Variants in GOLGB1 observed in about 807,000 individuals in gnomAD.
The protein encoded by GOLGB1 is golgin subfamily B member 1.
A neutral mutation model predicts 336.9 loss-of-function variants in GOLGB1; 174 were observed. That is an observed-to-expected ratio of 0.52 (90% CI 0.46 to 0.59). The LOEUF (loss-of-function observed/expected upper bound fraction) is 0.59, where lower values mean the gene tolerates loss of function less well. Among genes scored for constraint, GOLGB1 ranks in the 20% least tolerant of loss-of-function variants. The probability of loss-of-function intolerance (pLI) is 0.00; values close to 1 mark genes in which losing one functional copy is unlikely to be tolerated. For missense variants in GOLGB1, 3,331 were observed against 3,645.3 expected, an observed-to-expected ratio of 0.91 and a Z score of 2.22; for synonymous variants, 1,208 against 1,289.2, an observed-to-expected ratio of 0.94 and a Z score of 1.35.
chr3:121,721,658 G>A (rs1945208929), intron 6 of GOLGB1, among the ~76,000 whole-genome samples: 1 of 151,878 alleles, frequency 6.6e-6, no homozygotes, highest in Non-Finnish European at 1.5e-5. Context: ...GGGAGTGCGT[G>A]GCCAACCAAG....
chr3:121,664,165 C>T lies in GOLGB1; in HGVS notation c.*315G>A. ...CTTGGCTTGGCTGAAAGACATTCCT[C>T]AGTATCTTTTACAGGACCACAAAAG... On this transcript the variant is annotated 3_prime_UTR_variant, in exon 22 of 22. Transcript: ENST00000614479. 1 of 300,536 alleles carries T rather than the reference C, an allele frequency of 3.3e-6. No individual in the cohort carries two copies. The highest frequency in any genetic ancestry group is 6.3e-6 in the Non-Finnish European group (1 of 159,514). The allele number at this position is 300,536 out of a possible 1,614,324, so 18.6% of individuals were successfully genotyped here. A position where few individuals can be genotyped will look rare whatever the true frequency, so the allele number is the denominator to read the frequency against.
chr3:121,694,804 G>A lies in GOLGB1; in HGVS notation c.5719C>T (p.Gln1907Ter), dbSNP rs866291093. The change falls in exon 13 of 22, where the codon CAA becomes TAA. Residue 1907 changes from glutamine to a stop codon, truncating the protein, a stop_gained. Coordinates refer to ENST00000614479, the MANE Select transcript of GOLGB1 (RefSeq NM_001366282.2). LOFTEE classifies it high-confidence loss of function. The part of the protein sequence containing the change: ...TKMNLLNQQI[Q>*]EELSRVTKLK... Reference sequence around the variant, plus strand: ...TTGGTAACTCTGGAGAGTTCTTCTTGGATTTGCTGATTTAACAGGTTCATT... The same window carrying A: ...TTGGTAACTCTGGAGAGTTCTTCTTAGATTTGCTGATTTAACAGGTTCATT... The A allele has an allele frequency of 6.2e-7, 1 of 1,613,404 alleles. No homozygotes were observed. Among genetic ancestry groups the A allele is most frequent in the African/African-American group, 1.3e-5 (1 of 74,988 alleles).
chr3:121,727,053 G>C lies in GOLGB1; in HGVS notation c.403-12C>G. On this transcript the variant is annotated splice_polypyrimidine_tract_variant and intron_variant, in intron 4 of 21. Transcript: ENST00000614479. Reference sequence around the variant, plus strand: ...GAACTCTTGTCATGCTGAAAATGCAGGAGATAAAGTCATTATTTAAAAGAA... The same window carrying C: ...GAACTCTTGTCATGCTGAAAATGCACGAGATAAAGTCATTATTTAAAAGAA... 1.3e-6 allele frequency: 2 copies of C among 1,487,270 alleles called. No individual in the cohort carries two copies. Among genetic ancestry groups the C allele is most frequent in the Non-Finnish European group, 1.8e-6 (2 of 1,089,770 alleles). The allele number at this position is 1,487,270 out of a possible 1,614,324, so 92.1% of individuals were successfully genotyped here. A position where few individuals can be genotyped will look rare whatever the true frequency, so the allele number is the denominator to read the frequency against.
chr3:121,749,674 A>G lies in GOLGB1; in HGVS notation c.-45T>C, dbSNP rs1240361891. 2.0e-5 allele frequency: 3 copies of G among 152,298 alleles called. No homozygotes were observed. Among genetic ancestry groups the G allele is most frequent in the African/African-American group, 4.8e-5 (2 of 41,386 alleles). The allele number at this position is 152,298 out of a possible 1,614,324, so 9.4% of individuals were successfully genotyped here. On this transcript the variant is annotated 5_prime_UTR_variant, in exon 1 of 22. Coordinates refer to ENST00000614479, the MANE Select transcript of GOLGB1 (RefSeq NM_001366282.2). ...TGAGGCTCCAGCTGCCCCCCTCCCA[A>G]TTCAAGCCACGTCAGCTCGGGAAGC...
intron 11 of GOLGB1, among the ~76,000 whole-genome samples, chr3:121,701,548 CAGTT>C (rs775980843): frequency 2.0e-5 from 3 of 152,066 alleles, no homozygotes; most frequent in Non-Finnish European, 4.4e-5. Flanking sequence ...GTGTAGTAGT[CAGTT>C]AAAGATGAAT....
intron 1 of GOLGB1, among the ~76,000 whole-genome samples, chr3:121,745,957 A>T (rs1289799733): frequency 1.3e-5 from 2 of 152,236 alleles, no homozygotes; most frequent in East Asian, 3.8e-4. Flanking sequence ...CTATAAAAAT[A>T]TAAAAAGAAT....
At chr3:121,747,236 AC>A (rs1291865513) in intron 1 of GOLGB1, among the ~76,000 whole-genome samples, 1 of 140,234 alleles carries the variant, frequency 7.1e-6, no homozygotes, top group East Asian at 2.0e-4. Flanking sequence ...ATGTTACATA[AC>A]AAAACAAAAA....
In GOLGB1 at chr3:121,676,882, G is replaced by C. The variant is rs1226004345; in HGVS notation, c.9177+11C>G. 3 of 1,612,546 alleles carry C rather than the reference G, an allele frequency of 1.9e-6. No homozygotes were observed. The highest frequency in any genetic ancestry group is 2.5e-6 in the Non-Finnish European group (3 of 1,178,780). ...AAGAAACTGAATTCCAGTCTAACAA[G>C]AAACACTTACGTTGCTGTTCAGTTG... On this transcript the variant is annotated intron_variant, in intron 17 of 21. Coordinates refer to ENST00000614479, the MANE Select transcript of GOLGB1 (RefSeq NM_001366282.2).
chr3:121,745,504 G>A (rs918850674), intron 1 of GOLGB1, among the ~76,000 whole-genome samples: 4 of 148,402 alleles, frequency 2.7e-5, no homozygotes, highest in African/African-American at 7.5e-5. Flanking sequence ...ATATGTACAC[G>A]TGTATGTATA....
intron 17 of GOLGB1, among the ~76,000 whole-genome samples, chr3:121,675,363 T>A (rs561120547): frequency 2.6e-4 from 40 of 152,360 alleles, no homozygotes; most frequent in African/African-American, 9.6e-4. Context: ...TACGTGTTTT[T>A]ACCTCATTTC....
At chr3:121,715,752 G>A (rs1341577200) in intron 9 of GOLGB1, among the ~76,000 whole-genome samples, 1 of 151,982 alleles carries the variant, frequency 6.6e-6, no homozygotes, top group African/African-American at 2.4e-5. Flanking sequence ...CAGCACTTTG[G>A]GATGCCGAGG....
At chr3:121,747,008 A>T (rs922081633) in intron 1 of GOLGB1, among the ~76,000 whole-genome samples, 1 of 151,260 alleles carries the variant, frequency 6.6e-6, no homozygotes, top group African/African-American at 2.4e-5. Context: ...TAAAGGCACT[A>T]TGTTAATAGT....
In GOLGB1 at chr3:121,698,642, A is replaced by G; in HGVS notation, c.1881T>C (p.Phe627=). ...KVFLEDTGQD[F]PLMPNEESSL... ...TGCTCTCTTCATTTGGCATTAAGGGAAAATCTTGCCCTGTATCTTCAAGAA... is the reference window on the plus strand; with the variant it reads ...TGCTCTCTTCATTTGGCATTAAGGGGAAATCTTGCCCTGTATCTTCAAGAA... Residue 627 remains phenylalanine (F), a synonymous_variant, in exon 13 of 22, where the codon TTT becomes TTC. Coordinates refer to ENST00000614479, the MANE Select transcript of GOLGB1 (RefSeq NM_001366282.2). 6.2e-7 allele frequency: 1 copy of G among 1,613,800 alleles called. No individual in the cohort carries two copies. Among genetic ancestry groups the G allele is most frequent in the Non-Finnish European group, 8.5e-7 (1 of 1,179,770 alleles).
intron 15 of GOLGB1, among the ~76,000 whole-genome samples, chr3:121,679,966 C>T (rs1274310398): frequency 6.6e-6 from 1 of 152,190 alleles, no homozygotes; most frequent in Non-Finnish European, 1.5e-5. Flanking sequence ...TAACAAGATG[C>T]CCCTCTTAAC....
intron 9 of GOLGB1, 72 bp from the exon 10 acceptor site, chr3:121,715,048 G>GATA: frequency 1.2e-6 from 1 of 825,704 alleles, no homozygotes; most frequent in Non-Finnish European, 2.1e-6. Flanking sequence ...ATCTTCTAAA[G>GATA]ATACACTGTA....
chr3:121,688,295 T>C lies in GOLGB1; in HGVS notation c.8694+2375A>G, dbSNP rs944626663. Among the ~76,000 whole-genome samples, 14 of 152,322 alleles carry C rather than the reference T, an allele frequency of 9.2e-5. No individual in the cohort carries two copies. In the South Asian group the frequency reaches 1.9e-3, roughly 20 times the overall value. On this transcript the variant is annotated intron_variant, in intron 14 of 21. Coordinates refer to ENST00000614479, the MANE Select transcript of GOLGB1 (RefSeq NM_001366282.2). ...CACTGCAACCTCCCTCCCTGATTCT[T>C]CTGCCTCAGCCTGCCGAGTGCCTGC... is the stretch of plus-strand genomic sequence containing the variant.
At chr3:121,699,084 A>G (rs776018357) in intron 12 of GOLGB1, among the ~76,000 whole-genome samples, 155 bp from the exon 13 acceptor site, 1 of 152,168 alleles carries the variant, frequency 6.6e-6, no homozygotes, top group Non-Finnish European at 1.5e-5. Flanking sequence ...TTTTAAAATC[A>G]GTTTGTATCT....
Position 121,697,700 on chromosome 3 carries a change from A to G in GOLGB1, c.2823T>C (p.Asn941=). 1 of 1,613,674 alleles carries G rather than the reference A, an allele frequency of 6.2e-7. No individual in the cohort carries two copies. Among genetic ancestry groups the G allele is most frequent in the Non-Finnish European group, 8.5e-7 (1 of 1,179,942 alleles). Residue 941 remains asparagine (N), a synonymous_variant, in exon 13 of 22, where the codon AAT becomes AAC. Coordinates refer to ENST00000614479, the MANE Select transcript of GOLGB1 (RefSeq NM_001366282.2). ...TTGCTTCCTCAGCTCTGGATAATAA[A>G]TTTAGCTGTTCTTTAAGAGTCTTAA... ...VEIKTLKEQL[N]LLSRAEEAKK...
Position 121,697,745 on chromosome 3 carries a change from C to T in GOLGB1, c.2778G>A (p.Lys926=), listed in dbSNP as rs2107861174. 6.2e-7 allele frequency: 1 copy of T among 1,613,612 alleles called. No homozygotes were observed. The highest frequency in any genetic ancestry group is 1.7e-4 in the Middle Eastern group (1 of 6,060). The change falls in exon 13 of 22, where the codon AAG becomes AAA. Residue 926 remains lysine, a synonymous_variant. Coordinates refer to ENST00000614479, the MANE Select transcript of GOLGB1 (RefSeq NM_001366282.2). ...TEKMVQLNEE[K]FSLGVEIKTL... is the part of the protein sequence containing the mutation. Reference sequence around the variant, plus strand: ...TCTTAATTTCAACCCCAAGAGAAAACTTCTCTTCATTAAGCTGAACCATTT... The same window carrying T: ...TCTTAATTTCAACCCCAAGAGAAAATTTCTCTTCATTAAGCTGAACCATTT...
Sources: gnomAD v4.1 joint callset for allele counts (sites outside exome capture counted in the v4.1 genomes callset) on GRCh38, gnomAD v4.1.1 for gene constraint, MANE v1.5 for transcripts, NCBI Gene and HGNC (gene_info 2026-07-23, HGNC 2026-07-21) for gene names.